Variants in DISC1 observed in about 807,000 individuals in gnomAD.
DISC1 encodes DISC1 scaffold protein.
DISC1 carries 57 observed loss-of-function variants against 84.5 expected under a neutral mutation model. The ratio of observed to expected loss-of-function variants is 0.67; its 90% CI spans 0.55 to 0.84. The LOEUF (loss-of-function observed/expected upper bound fraction) is 0.84, where lower values mean the gene tolerates loss of function less well. Ranked by LOEUF, DISC1 falls within the 40% of genes least tolerant of loss-of-function variation. DISC1 has a pLI of 0.00. For missense variants in DISC1, 1,000 were observed against 1,057.8 expected, an observed-to-expected ratio of 0.95 and a Z score of 0.76; for synonymous variants, 411 against 415.2, an observed-to-expected ratio of 0.99 and a Z score of 0.12.
chr1:231,881,030 C>T (rs962439568), intron 9 of DISC1, among the ~76,000 whole-genome samples: 41 of 152,178 alleles, frequency 2.7e-4, no homozygotes, highest in African/African-American at 8.9e-4. Context: ...TCATGATTAG[C>T]GCCGAGTGTG....
At chr1:231,884,230 C>T (rs1448044969) in intron 9 of DISC1, among the ~76,000 whole-genome samples, 2 of 152,152 alleles carry the variant, frequency 1.3e-5, no homozygotes, top group Non-Finnish European at 2.9e-5. Flanking sequence ...GCATCTGACT[C>T]ATTGTTGGTA....
At position 231,963,324 on chromosome 1, in the gene DISC1, C is replaced by T. The variant is rs115280078; in HGVS notation, c.2042+4436C>T. Among the ~76,000 whole-genome samples the T allele has an allele frequency of 6.5e-3, 984 of 152,070 alleles. 12 individuals are homozygous for T. The highest frequency in any genetic ancestry group is 0.022 in the African/African-American group (929 of 41,472). ...AAGGAGTATCATCCAGAGAAATATT[C>T]GATTGAATCATGTGAAATTGCTGAT... is the stretch of plus-strand genomic sequence containing the variant. On this transcript the variant is annotated intron_variant, in intron 10 of 12. Coordinates refer to ENST00000439617, the MANE Select transcript of DISC1 (RefSeq NM_018662.3).
intron 3 of DISC1, among the ~76,000 whole-genome samples, chr1:231,707,780 C>T (rs2067268621): frequency 6.6e-6 from 1 of 152,142 alleles, no homozygotes; most frequent in South Asian, 2.1e-4. Flanking sequence ...AAGACACAAT[C>T]CTGAATGCCA....
In DISC1 at chr1:232,041,237, C is replaced by G. The variant is rs1670773077; in HGVS notation, c.*4406C>G. On this transcript the variant is annotated 3_prime_UTR_variant, in exon 13 of 13. Transcript: ENST00000439617. Reference sequence around the variant, plus strand: ...AGGATGATTAATTGTACAGTTACATCACACGAAACATTTATAATAAAGTCA... The same window carrying G: ...AGGATGATTAATTGTACAGTTACATGACACGAAACATTTATAATAAAGTCA... The G allele has an allele frequency of 6.6e-6, 1 of 152,150 alleles. No homozygotes were observed. Among genetic ancestry groups the G allele is most frequent in the African/African-American group, 2.4e-5 (1 of 41,436 alleles). 9.4% of individuals were successfully genotyped at this position (152,150 alleles called of 1,614,324 possible). A position where few individuals can be genotyped will look rare whatever the true frequency, so the allele number is the denominator to read the frequency against.
rs1322471115 is a variant in DISC1, at chr1:232,037,595, C to G, written c.*764C>G. ...AATGTTTGAGCCTGTTCCATTTTCC[C>G]GTGGAACCTGTTTCACTCAATGCCA... On this transcript the variant is annotated 3_prime_UTR_variant, in exon 13 of 13. Coordinates refer to ENST00000439617, the MANE Select transcript of DISC1 (RefSeq NM_018662.3). The G allele has an allele frequency of 6.6e-6, 1 of 152,216 alleles. No individual in the cohort carries two copies. Among genetic ancestry groups the G allele is most frequent in the Non-Finnish European group, 1.5e-5 (1 of 68,074 alleles). The allele number at this position is 152,216 out of a possible 1,614,324, so 9.4% of individuals were successfully genotyped here.
intron 9 of DISC1, among the ~76,000 whole-genome samples, chr1:231,894,809 A>T (rs2087555126): frequency 7.0e-6 from 1 of 142,354 alleles, no homozygotes; most frequent in Non-Finnish European, 1.5e-5. Context: ...ATACTCTTCC[A>T]TTGATCTGTT....
At chr1:231,968,635 T>A (rs948045321) in intron 10 of DISC1, among the ~76,000 whole-genome samples, 5 of 149,268 alleles carry the variant, frequency 3.3e-5, no homozygotes, top group African/African-American at 4.9e-5. Flanking sequence ...AAAAGCCCTC[T>A]CACACACACA....
intron 11 of DISC1, among the ~76,000 whole-genome samples, chr1:232,012,712 G>T (rs1192544356): frequency 1.3e-5 from 2 of 152,174 alleles, no homozygotes; most frequent in East Asian, 3.9e-4. Context: ...GGCCAACGTG[G>T]TGATGTGCAT....
At chr1:232,027,764 G>C (rs1007000009) in intron 12 of DISC1, among the ~76,000 whole-genome samples, 1 of 150,882 alleles carries the variant, frequency 6.6e-6, no homozygotes, top group African/African-American at 2.4e-5. Flanking sequence ...TTACTTTTTA[G>C]AATTCCAGTT....
chr1:232,033,584 G>A (rs1436860374), intron 12 of DISC1, among the ~76,000 whole-genome samples: 1 of 152,146 alleles, frequency 6.6e-6, no homozygotes, highest in African/African-American at 2.4e-5. Flanking sequence ...GCACTCATAG[G>A]TATTTATGCC....
At chr1:231,883,013 C>T (rs1036387376) in intron 9 of DISC1, among the ~76,000 whole-genome samples, 1 of 151,740 alleles carries the variant, frequency 6.6e-6, no homozygotes, top group Non-Finnish European at 1.5e-5. Flanking sequence ...GAGGCTCATT[C>T]GTCACTCAGT....
chr1:231,740,805 A>G (rs1238089337), intron 3 of DISC1, among the ~76,000 whole-genome samples: 2 of 152,178 alleles, frequency 1.3e-5, no homozygotes, highest in African/African-American at 4.8e-5. Flanking sequence ...TTTCAAAATA[A>G]TTTTGCACAT....
At chr1:231,741,565 G>A (rs935213009) in intron 3 of DISC1, among the ~76,000 whole-genome samples, 1 of 152,296 alleles carries the variant, frequency 6.6e-6, no homozygotes, top group East Asian at 1.9e-4. Flanking sequence ...GATGCATGAG[G>A]CCTTGAACAT....
intron 11 of DISC1, among the ~76,000 whole-genome samples, chr1:232,022,767 A>G (rs572699152): frequency 6.6e-6 from 1 of 152,352 alleles, no homozygotes; most frequent in East Asian, 1.9e-4. Context: ...CAAGATTCCA[A>G]GTGAGAGCAT....
intron 1 of DISC1, among the ~76,000 whole-genome samples, chr1:231,678,732 A>G (rs2063399997): frequency 6.6e-6 from 1 of 152,032 alleles, no homozygotes; most frequent in Non-Finnish European, 1.5e-5. Context: ...CAGTGGCCTG[A>G]TCGGCTCACT....
At chr1:231,646,818 G>A (rs1422254179) in intron 1 of DISC1, among the ~76,000 whole-genome samples, 3 of 152,190 alleles carry the variant, frequency 2.0e-5, no homozygotes, top group Non-Finnish European at 4.4e-5. Flanking sequence ...CAGTGATGAT[G>A]AGCATTTTTT....
intron 1 of DISC1, among the ~76,000 whole-genome samples, chr1:231,660,468 A>AT (rs925461407): frequency 1.6e-4 from 25 of 151,728 alleles, no homozygotes; most frequent in South Asian, 8.3e-4. Flanking sequence ...GCCCAAAAAA[A>AT]AAATATATAT....
intron 7 of DISC1, among the ~76,000 whole-genome samples, chr1:231,799,798 T>G (rs2079046035): frequency 6.7e-6 from 1 of 148,900 alleles, no homozygotes; most frequent in African/African-American, 2.5e-5. Context: ...ATTGCTCACT[T>G]TATTTTTGTT....
At chr1:232,014,015 A>T (rs1668260582) in intron 11 of DISC1, among the ~76,000 whole-genome samples, 1 of 152,026 alleles carries the variant, frequency 6.6e-6, no homozygotes, top group South Asian at 2.1e-4. Context: ...ACTCAGGCAT[A>T]CCAAAGTGTC....
Sources: gnomAD v4.1 joint callset for allele counts (sites outside exome capture counted in the v4.1 genomes callset) on GRCh38, gnomAD v4.1.1 for gene constraint, MANE v1.5 for transcripts, NCBI Gene and HGNC (gene_info 2026-07-23, HGNC 2026-07-21) for gene names.